SNX29: variants seen among roughly 807,000 people sequenced by gnomAD.
SNX29 encodes sorting nexin-29.
Under a neutral mutation model 102.1 loss-of-function variants are expected in SNX29, and 78 were observed. That is an observed-to-expected ratio of 0.76 (90% CI 0.64 to 0.92). The LOEUF (loss-of-function observed/expected upper bound fraction) is 0.92, where lower values mean the gene tolerates loss of function less well. Ranked by LOEUF, SNX29 falls within the 40% of genes least tolerant of loss-of-function variation. The pLI is 0.00. For missense variants in SNX29, 1,280 were observed against 1,061.7 expected, an observed-to-expected ratio of 1.21 and a Z score of -2.86; for synonymous variants, 580 against 414.5, an observed-to-expected ratio of 1.40 and a Z score of -4.85.
chr16:12,548,424 T>C (rs568052041), intron 20 of SNX29, among the ~76,000 whole-genome samples: 70 of 152,314 alleles, frequency 4.6e-4, no homozygotes, highest in African/African-American at 1.6e-3. Context: ...GGCTCCCCAC[T>C]GTGCCACATC....
Position 12,202,330 on chromosome 16 carries a change from G to GT in SNX29, c.1678+2655dup, listed in dbSNP as rs1345567262. Among the ~76,000 whole-genome samples, 9 of 152,084 alleles carry GT rather than the reference G, an allele frequency of 5.9e-5. No individual in the cohort carries two copies. The South Asian group carries it at 6.2e-4, about 11-fold the overall frequency. ...GGGTGGCTTCATTATCTAATGGAAA[G>GT]TTTTTTTTGTTTTATTTTTCTTCCC... On this transcript the variant is annotated intron_variant, in intron 14 of 20. Transcript: ENST00000566228.
At chr16:12,476,819 C>T (rs1301140798) in intron 18 of SNX29, among the ~76,000 whole-genome samples, 3 of 152,072 alleles carry the variant, frequency 2.0e-5, no homozygotes, top group Non-Finnish European at 4.4e-5. Flanking sequence ...TGATGGGTGG[C>T]TTTCACGTAG....
rs573945812 is a variant in SNX29 at position 12,566,875 on chromosome 16, CA to C, written c.2319-1629del. On this transcript the variant is annotated intron_variant, in intron 20 of 20. Transcript: ENST00000566228. Reference sequence around the variant, plus strand: ...TTTCATCCATGCACAGAAGGCAAAGCAACAACTTGACTTACAGGAAAAGACA... The same window carrying C: ...TTTCATCCATGCACAGAAGGCAAAGCACAACTTGACTTACAGGAAAAGACA... 6.2e-4 allele frequency among the ~76,000 whole-genome samples: 95 copies of C among 152,342 alleles called. 1 individual carries two copies. Among genetic ancestry groups the C allele is most frequent in the African/African-American group, 2.2e-3 (90 of 41,574 alleles).
chr16:12,261,907 C>T (rs1318368300), intron 14 of SNX29, among the ~76,000 whole-genome samples: 7 of 139,268 alleles, frequency 5.0e-5, no homozygotes, highest in Admixed American at 1.5e-4. Context: ...CATGCGTCCC[C>T]GGCTGGAGTG....
chr16:12,270,317 TG>T (rs898309503), intron 14 of SNX29, among the ~76,000 whole-genome samples: 1 of 152,190 alleles, frequency 6.6e-6, no homozygotes, highest in African/African-American at 2.4e-5. Context: ...ATTGGTTTAT[TG>T]GGGGGATGTG....
intron 14 of SNX29, among the ~76,000 whole-genome samples, chr16:12,249,990 AG>A (rs2078374245): frequency 6.6e-6 from 1 of 152,178 alleles, no homozygotes; most frequent in South Asian, 2.1e-4. Flanking sequence ...CGACAGGTCA[AG>A]GAGCAATCTC....
chr16:12,377,895 G>C (rs1046948580), intron 16 of SNX29, among the ~76,000 whole-genome samples: 3 of 152,164 alleles, frequency 2.0e-5, no homozygotes, highest in African/African-American at 7.2e-5. Flanking sequence ...CAGGGATTGA[G>C]GGTTTTCCTT....
intron 15 of SNX29, among the ~76,000 whole-genome samples, chr16:12,287,837 C>T (rs7194981): frequency 0.53 from 79,934 of 151,956 alleles, 21,473 homozygotes; most frequent in Non-Finnish European, 0.59. Context: ...TTCTTCCTTA[C>T]GTGTCATTTA....
In SNX29 at chr16:12,572,086, G is replaced by T. The variant is rs1204087445; in HGVS notation, c.*3457G>T. On this transcript the variant is annotated 3_prime_UTR_variant, in exon 21 of 21. Coordinates refer to ENST00000566228, the MANE Select transcript of SNX29 (RefSeq NM_032167.5). ...TCTTGCAAGATCTAGGAAGAGGAAGGGGAGGGATGTGGACTGGGTCTGATC... is the reference window on the plus strand; with the variant it reads ...TCTTGCAAGATCTAGGAAGAGGAAGTGGAGGGATGTGGACTGGGTCTGATC... 4 of 1,063,386 alleles carry T rather than the reference G, an allele frequency of 3.8e-6. No individual in the cohort carries two copies. Among genetic ancestry groups the T allele is most frequent in the Middle Eastern group, 4.1e-4 (1 of 2,416 alleles). The allele number at this position is 1,063,386 out of a possible 1,614,324, so 65.9% of individuals were successfully genotyped here.
At chr16:12,554,849 G>C (rs764330488) in intron 20 of SNX29, among the ~76,000 whole-genome samples, 1 of 152,186 alleles carries the variant, frequency 6.6e-6, no homozygotes. Context: ...GTAGGTGCCA[G>C]GGTGCTCAGG....
rs916746583 is a variant in SNX29 at position 12,544,504 on chromosome 16, G to A, written c.2318+19663G>A. Among the ~76,000 whole-genome samples the A allele has an allele frequency of 5.9e-5, 9 of 152,292 alleles. No homozygotes were observed. The East Asian group carries it at 1.5e-3, about 26-fold the overall frequency. On this transcript the variant is annotated intron_variant, in intron 20 of 20. Coordinates refer to ENST00000566228, the MANE Select transcript of SNX29 (RefSeq NM_032167.5). The stretch of plus-strand genomic sequence containing the variant: ...GATTGGGGTCGGCTGGGGTCTAGAT[G>A]GCATTTTTCTGTGGGGAATTGTGTG...
intron 8 of SNX29, 53 bp downstream of exon 8, chr16:12,052,275 G>A: frequency 6.2e-7 from 1 of 1,600,234 alleles, no homozygotes; most frequent in Non-Finnish European, 8.5e-7. Flanking sequence ...GGAGTGCCGT[G>A]GCGTGATCTC....
chr16:12,249,836 C>T (rs113941906), intron 14 of SNX29, among the ~76,000 whole-genome samples: 2,828 of 152,346 alleles, frequency 0.019, 89 homozygotes, highest in African/African-American at 0.065. Context: ...GTCCCGGCCC[C>T]ATTAACTCAT....
At chr16:12,097,400 G>A (rs1055209941) in intron 11 of SNX29, among the ~76,000 whole-genome samples, 11 of 152,212 alleles carry the variant, frequency 7.2e-5, no homozygotes, top group African/African-American at 2.4e-4. Context: ...TGAAGGGGCT[G>A]TATTTCAGGC....
intron 14 of SNX29, among the ~76,000 whole-genome samples, chr16:12,240,965 C>T (rs527819304): frequency 6.6e-6 from 1 of 152,186 alleles, no homozygotes; most frequent in South Asian, 2.1e-4. Context: ...ATTATTTTGA[C>T]CCATAGTGGT....
chr16:12,422,459 A>G (rs1187930998), intron 18 of SNX29, among the ~76,000 whole-genome samples: 1 of 152,220 alleles, frequency 6.6e-6, no homozygotes, highest in Non-Finnish European at 1.5e-5. Flanking sequence ...TCGACAGTCT[A>G]GCAAGTAACT....
chr16:12,086,294 G>A (rs542812125), intron 11 of SNX29, among the ~76,000 whole-genome samples: 60 of 152,128 alleles, frequency 3.9e-4, no homozygotes, highest in African/African-American at 1.4e-3. Flanking sequence ...GTGAGCCACC[G>A]CGCCTGGCCA....
At chr16:12,378,996 T>G (rs1046431179) in intron 16 of SNX29, among the ~76,000 whole-genome samples, 1 of 152,188 alleles carries the variant, frequency 6.6e-6, no homozygotes, top group South Asian at 2.1e-4. Flanking sequence ...ATATGCTGAT[T>G]GACTGAAGTC....
At chr16:12,248,290 G>A (rs545871414) in intron 14 of SNX29, among the ~76,000 whole-genome samples, 3 of 151,962 alleles carry the variant, frequency 2.0e-5, no homozygotes, top group Admixed American at 6.6e-5. Context: ...GTTCTTCATC[G>A]TGTTGCATCT....
Sources: gnomAD v4.1 joint callset for allele counts (sites outside exome capture counted in the v4.1 genomes callset) on GRCh38, gnomAD v4.1.1 for gene constraint, MANE v1.5 for transcripts, NCBI Gene and HGNC (gene_info 2026-07-23, HGNC 2026-07-21) for gene names.